Variants in CDH2 observed in about 807,000 individuals in gnomAD.
The protein encoded by CDH2 is cadherin 2.
Under a neutral mutation model 92.0 loss-of-function variants are expected in CDH2, and 17 were observed. The ratio of observed to expected loss-of-function variants is 0.18; its 90% CI spans 0.13 to 0.28. CDH2 has a LOEUF of 0.28. CDH2 is among the 10% of genes least tolerant of loss of function. The pLI, the probability that CDH2 is intolerant of heterozygous loss-of-function variation, is 1.00. For synonymous variants in CDH2, 419 were observed against 415.9 expected (o/e 1.01, Z -0.09); for missense variants, 862 against 1,133.1 (o/e 0.76, Z 3.44).
chr18:28,116,012 G>A (rs2015490419), intron 2 of CDH2, among the ~76,000 whole-genome samples: 1 of 152,160 alleles, frequency 6.6e-6, no homozygotes, highest in Admixed American at 6.6e-5. Context: ...AACCAGGGGT[G>A]ATTTTGGCTT....
downstream of CDH2, among the ~76,000 whole-genome samples, chr18:27,950,065 G>A (rs181806685): frequency 7.9e-5 from 12 of 151,968 alleles, no homozygotes; most frequent in African/African-American, 2.7e-4. Context: ...AGACTATTCC[G>A]ATTAGCAAAT....
intron 2 of CDH2, among the ~76,000 whole-genome samples, chr18:28,127,473 C>A (rs538639239): frequency 6.6e-6 from 1 of 152,202 alleles, no homozygotes; most frequent in Non-Finnish European, 1.5e-5. Context: ...AGGGAAAATA[C>A]TTTCCTTATC....
intron 6 of CDH2, among the ~76,000 whole-genome samples, chr18:27,945,142 GA>G (rs972627026): frequency 6.6e-6 from 1 of 151,792 alleles, no homozygotes; most frequent in Non-Finnish European, 1.5e-5. Context: ...CTAAGAAGCA[GA>G]AAAAATGGTG....
At chr18:28,020,516 G>A (rs570154758) in intron 2 of CDH2, among the ~76,000 whole-genome samples, 2 of 152,052 alleles carry the variant, frequency 1.3e-5, no homozygotes, top group African/African-American at 4.8e-5. Flanking sequence ...TAGTCCACTG[G>A]AGCCAACCTA....
At chr18:28,162,127 A>G (rs1333283237) in intron 1 of CDH2, among the ~76,000 whole-genome samples, 1 of 152,202 alleles carries the variant, frequency 6.6e-6, no homozygotes, top group African/African-American at 2.4e-5. Context: ...GATAAGGAGC[A>G]TTATTGCTTA....
intron 2 of CDH2, among the ~76,000 whole-genome samples, chr18:28,090,354 A>G (rs766301420): frequency 6.6e-6 from 1 of 152,188 alleles, no homozygotes; most frequent in Non-Finnish European, 1.5e-5. Flanking sequence ...TGTATTGGAC[A>G]ATAATTCCAA....
chr18:28,002,731 T>G (rs2012804186), intron 7 of CDH2, among the ~76,000 whole-genome samples: 1 of 152,176 alleles, frequency 6.6e-6, no homozygotes, highest in Admixed American at 6.5e-5. Context: ...TGTTAAAAAT[T>G]TTAAAAATTA....
chr18:28,043,495 A>AATAT (rs369458635), intron 2 of CDH2, among the ~76,000 whole-genome samples: 6 of 87,366 alleles, frequency 6.9e-5, no homozygotes, highest in African/African-American at 1.4e-4. Context: ...TATATATATA[A>AATAT]ATATATATAT....
chr18:27,990,775 G>A (rs2012390049), intron 9 of CDH2, among the ~76,000 whole-genome samples: 1 of 152,176 alleles, frequency 6.6e-6, no homozygotes, highest in Admixed American at 6.5e-5. Context: ...ACCAGTCTAT[G>A]ATGAATTGAA....
At chr18:28,149,619 A>G (rs981157633) in intron 1 of CDH2, among the ~76,000 whole-genome samples, 1 of 152,206 alleles carries the variant, frequency 6.6e-6, no homozygotes. Flanking sequence ...AAAAGATAAC[A>G]TAATGTTTTG....
chr18:27,937,989 G>A (rs1334429310), intron 6 of CDH2, among the ~76,000 whole-genome samples: 2 of 152,110 alleles, frequency 1.3e-5, no homozygotes, highest in African/African-American at 2.4e-5. Context: ...TGCAGGTGGG[G>A]TCTGGTGGGA....
chr18:28,166,997 G>A (rs2016395009), intron 1 of CDH2, among the ~76,000 whole-genome samples: 1 of 152,072 alleles, frequency 6.6e-6, no homozygotes, highest in Non-Finnish European at 1.5e-5. Flanking sequence ...ACAGTGTGTG[G>A]AAGTAGAAAC....
Position 27,969,961 on chromosome 18 carries a change from T to C in CDH2, c.2350-6440A>G, listed in dbSNP as rs139755526. Among the ~76,000 whole-genome samples the C allele has an allele frequency of 7.3e-4, 111 of 152,160 alleles. 1 individual carries two copies. The East Asian group carries it at 0.016, about 22-fold the overall frequency. On this transcript the variant is annotated intron_variant, in intron 14 of 15. Transcript: ENST00000269141. ...GTTGCAGTGAGCCAAGATCGTGCCATTGCACTCCAGCCTGGGCGACAACAG... is the reference window on the plus strand; with the variant it reads ...GTTGCAGTGAGCCAAGATCGTGCCACTGCACTCCAGCCTGGGCGACAACAG...
chr18:28,122,957 C>T (rs1283790457), intron 2 of CDH2, among the ~76,000 whole-genome samples: 2 of 151,966 alleles, frequency 1.3e-5, no homozygotes, highest in South Asian at 2.1e-4. Context: ...AAAACAATCT[C>T]GAGACAATTT....
intron 6 of CDH2, among the ~76,000 whole-genome samples, chr18:27,934,148 C>T (rs1479557153): frequency 1.3e-5 from 2 of 152,158 alleles, no homozygotes; most frequent in African/African-American, 2.4e-5. Context: ...ATTTTCTTTA[C>T]TTATATCAGT....
intron 2 of CDH2, among the ~76,000 whole-genome samples, chr18:28,143,321 T>C (rs1384816672): frequency 6.6e-6 from 1 of 152,056 alleles, no homozygotes; most frequent in African/African-American, 2.4e-5. Flanking sequence ...TAGTGTTAGA[T>C]ACACTGCTAG....
rs1159462894 is a variant in CDH2, at chr18:28,088,541, G to GC, written c.172+59131dup. On this transcript the variant is annotated intron_variant, in intron 2 of 15. Coordinates refer to ENST00000269141, the MANE Select transcript of CDH2 (RefSeq NM_001792.5). ...AGGAATCTTGCAATCTTGCCTTTCA[G>GC]CCTCATGTGCTTGAAGGCTTTCAGA... is the stretch of plus-strand genomic sequence containing the variant. Among the ~76,000 whole-genome samples, 3 of 152,142 alleles carry GC rather than the reference G, an allele frequency of 2.0e-5. 1 individual carries two copies. Among genetic ancestry groups the GC allele is most frequent in the Non-Finnish European group, 4.4e-5 (3 of 68,024 alleles).
chr18:28,165,656 A>G (rs772261416), intron 1 of CDH2, among the ~76,000 whole-genome samples: 3 of 152,104 alleles, frequency 2.0e-5, no homozygotes, highest in Non-Finnish European at 2.9e-5. Flanking sequence ...CCACACAAAA[A>G]ACAAGTGTCA....
At chr18:28,129,662 T>C (rs568483842) in intron 2 of CDH2, among the ~76,000 whole-genome samples, 91 of 152,298 alleles carry the variant, frequency 6.0e-4, no homozygotes, top group African/African-American at 2.0e-3. Flanking sequence ...CTTCTGTCTC[T>C]ACAAAAAATT....
Sources: gnomAD v4.1 joint callset for allele counts (sites outside exome capture counted in the v4.1 genomes callset) on GRCh38, gnomAD v4.1.1 for gene constraint, MANE v1.5 for transcripts, NCBI Gene and HGNC (gene_info 2026-07-23, HGNC 2026-07-21) for gene names.